The following DRC8 variants were observed in gnomAD, a reference collection of about 807,000 sequenced individuals.
The protein encoded by DRC8 is dynein regulatory complex protein 8.
At chr1:245,081,136 AT>A in the DRC8 span, among the ~76,000 whole-genome samples, 3 of 148,340 alleles carry the variant, frequency 2.0e-5, no homozygotes, top group South Asian at 2.1e-4. Flanking sequence ...TTATTATTTT[AT>A]TTATTTTTTA....
chr1:244,983,740 A>AAG, the DRC8 span, among the ~76,000 whole-genome samples: 5 of 15,830 alleles, frequency 3.2e-4, no homozygotes. Context: ...ACTCTGTCTC[A>AAG]AAAAAAAAAA....
the DRC8 span, chr1:245,002,282 ATC>A: frequency 1.4e-6 from 2 of 1,465,404 alleles, no homozygotes; most frequent in Non-Finnish European, 1.9e-6. Flanking sequence ...TCGCTTAACC[ATC>A]TCTCTGCCTC....
At chr1:245,010,253 G>A in the DRC8 span, among the ~76,000 whole-genome samples, 1 of 152,216 alleles carries the variant, frequency 6.6e-6, no homozygotes, top group Admixed American at 6.5e-5. Context: ...CCCATAGTAT[G>A]TGAAGATAAA....
chr1:245,103,125 C>T, the DRC8 span, among the ~76,000 whole-genome samples: 21 of 144,840 alleles, frequency 1.4e-4, no homozygotes, highest in Non-Finnish European at 2.8e-4. Context: ...AGAGGCCAAG[C>T]ATTGTTTATT....
chr1:245,039,300 CAAAAAAAAAAAAAAAAAAAAA>C, the DRC8 span, among the ~76,000 whole-genome samples: 3 of 27,436 alleles, frequency 1.1e-4, no homozygotes, highest in African/African-American at 3.1e-4. Context: ...CTTGTCTCTA[CAAAAAAAAAAAAAAAAAAAAA>C]AAAAAAAAAA....
chr1:245,027,739 C>T, the DRC8 span, among the ~76,000 whole-genome samples: 42 of 152,238 alleles, frequency 2.8e-4, no homozygotes, highest in East Asian at 3.7e-3. Flanking sequence ...AATGTTCATA[C>T]TTTGTTTAGT....
chr1:245,015,794 C>T, the DRC8 span: 1 of 238,686 alleles, frequency 4.2e-6, no homozygotes, highest in South Asian at 4.5e-5. Context: ...TGGCCCACAT[C>T]TCTCACCTGG....
chr1:245,115,650 C>T, the DRC8 span, among the ~76,000 whole-genome samples: 42 of 152,364 alleles, frequency 2.8e-4, no homozygotes, highest in Non-Finnish European at 5.4e-4. Flanking sequence ...AAAGAACCAT[C>T]GTGCACAGTG....
At chr1:245,089,089 C>T in the DRC8 span, among the ~76,000 whole-genome samples, 1 of 152,066 alleles carries the variant, frequency 6.6e-6, no homozygotes, top group African/African-American at 2.4e-5. The surrounding 1 kb of genome is among the most constrained non-coding windows in gnomAD (Gnocchi z 4.8). Context: ...AGTTTGTAGG[C>T]TATTTGGTTG....
the DRC8 span, among the ~76,000 whole-genome samples, chr1:245,049,593 C>T: frequency 6.6e-6 from 1 of 152,046 alleles, no homozygotes; most frequent in African/African-American, 2.4e-5. The surrounding 1 kb of genome is among the most constrained non-coding windows in gnomAD (Gnocchi z 4.5). Flanking sequence ...TAAAAAAAAA[C>T]TGTAATAAGA....
chr1:245,045,773 G>T, the DRC8 span, among the ~76,000 whole-genome samples: 8 of 78,476 alleles, frequency 1.0e-4, no homozygotes, highest in African/African-American at 3.3e-4. Context: ...AGCAGCCATC[G>T]GTCTGACTGG....
the DRC8 span, among the ~76,000 whole-genome samples, chr1:245,081,213 A>G: frequency 6.6e-6 from 1 of 151,508 alleles, no homozygotes; most frequent in African/African-American, 2.4e-5. Flanking sequence ...GCAGGCTGGA[A>G]TGCAGTGGCC....
chr1:245,023,129 A>T, the DRC8 span: 1 of 152,196 alleles, frequency 6.6e-6, no homozygotes, highest in East Asian at 1.9e-4. Flanking sequence ...AATACAAACA[A>T]ACAATATTTG....
chr1:245,096,650 G>GAC, the DRC8 span, among the ~76,000 whole-genome samples: 1 of 152,222 alleles, frequency 6.6e-6, no homozygotes, highest in Non-Finnish European at 1.5e-5. Context: ...CTGCCTGTGG[G>GAC]ACTCACAGAG....
chr1:245,070,353 A>T, the DRC8 span, among the ~76,000 whole-genome samples: 7 of 152,212 alleles, frequency 4.6e-5, no homozygotes, highest in African/African-American at 1.7e-4. Context: ...CCATTCATCT[A>T]TTGGTAAAGG....
the DRC8 span, among the ~76,000 whole-genome samples, chr1:245,049,555 T>C: frequency 6.6e-6 from 1 of 152,196 alleles, no homozygotes; most frequent in East Asian, 1.9e-4. This position sits in a 1 kb window ranked among gnomAD's most constrained non-coding sequence, Gnocchi z 4.5. Flanking sequence ...ATGCCCCACC[T>C]AAACAAATAA....
the DRC8 span, among the ~76,000 whole-genome samples, chr1:244,998,466 C>T: frequency 6.6e-6 from 1 of 152,198 alleles, no homozygotes; most frequent in African/African-American, 2.4e-5. Context: ...CCACCTTGGC[C>T]TCCTGAAGTG....
At chr1:244,994,218 G>T in the DRC8 span, among the ~76,000 whole-genome samples, 1 of 152,112 alleles carries the variant, frequency 6.6e-6, no homozygotes, top group Admixed American at 6.6e-5. Flanking sequence ...GAAGTTTTGG[G>T]AGTCCAAAGA....
the DRC8 span, chr1:245,087,287 C>T: frequency 1.2e-6 from 2 of 1,610,960 alleles, no homozygotes; most frequent in Non-Finnish European, 1.7e-6. Flanking sequence ...ATGTTGTCTG[C>T]TGCAATTGAT....
Sources: allele counts gnomAD v4.1 joint callset (sites outside exome capture counted in the v4.1 genomes callset), GRCh38; gene constraint gnomAD v4.1.1; non-coding constraint Gnocchi (gnomAD v3.1); transcripts MANE v1.5; gene names NCBI Gene and HGNC (gene_info 2026-07-23, HGNC 2026-07-21).